The following OR56A3 variants were observed in gnomAD, a reference collection of about 807,000 sequenced individuals.
OR56A3 encodes the protein olfactory receptor family 56 subfamily A member 3.
OR56A3 carries 23 observed loss-of-function variants against 17.5 expected under a neutral mutation model. The ratio of observed to expected loss-of-function variants is 1.32; its 90% CI spans 0.95 to 1.87. The LOEUF (loss-of-function observed/expected upper bound fraction) is 1.87, where lower values mean the gene tolerates loss of function less well. OR56A3 is among the 40% of genes most tolerant of loss of function. OR56A3 has a pLI of 0.00. For missense variants in OR56A3, 366 were observed against 380.1 expected (o/e 0.96, Z 0.31); for synonymous variants, 175 against 150.6 (o/e 1.16, Z -1.19).
chr11:5,972,458 C>A, the OR56A3 span, among the ~76,000 whole-genome samples: 1 of 152,166 alleles, frequency 6.6e-6, no homozygotes, highest in African/African-American at 2.4e-5. Context: ...TCCCTTACCC[C>A]TGAAACTCAC....
the OR56A3 span, among the ~76,000 whole-genome samples, chr11:5,966,615 C>T: frequency 6.6e-6 from 1 of 152,000 alleles, no homozygotes; most frequent in African/African-American, 2.4e-5. Flanking sequence ...ATAAAAATTG[C>T]AAAGTGTAAA....
At chr11:5,971,954 A>G in the OR56A3 span, among the ~76,000 whole-genome samples, 1 of 152,184 alleles carries the variant, frequency 6.6e-6, no homozygotes, top group East Asian at 1.9e-4. Flanking sequence ...GGGAAGAAGA[A>G]AAAACTAGGG....
the OR56A3 span, among the ~76,000 whole-genome samples, chr11:5,977,465 G>A: frequency 6.6e-6 from 1 of 152,162 alleles, no homozygotes; most frequent in African/African-American, 2.4e-5. Flanking sequence ...AATGGTTAGT[G>A]ATGTTGAGTA....
At chr11:6,020,861 G>C in the OR56A3 span, 13 of 152,194 alleles carry the variant, frequency 8.5e-5, no homozygotes, top group Admixed American at 7.2e-4. Context: ...GAAGTGGTGA[G>C]AGAAGGCATC....
At chr11:5,994,878 G>T in the OR56A3 span, 9 of 759,150 alleles carry the variant, frequency 1.2e-5, no homozygotes, top group African/African-American at 1.5e-4. Context: ...ACTCTGTCCG[G>T]GTAGGAGGCC....
downstream of OR56A3, among the ~76,000 whole-genome samples, chr11:5,953,162 A>C (rs531527983): frequency 6.6e-6 from 1 of 152,344 alleles, no homozygotes; most frequent in South Asian, 2.1e-4. Context: ...TTTGGGATAA[A>C]TACCCAGTAA....
At chr11:6,009,019 T>C in the OR56A3 span, among the ~76,000 whole-genome samples, 70 of 152,316 alleles carry the variant, frequency 4.6e-4, no homozygotes, top group African/African-American at 1.6e-3. Flanking sequence ...TAATGCATGT[T>C]GTGAGTTGAA....
At chr11:6,002,905 A>G in the OR56A3 span, 8 of 1,614,058 alleles carry the variant, frequency 5.0e-6, no homozygotes, top group South Asian at 1.1e-5. Context: ...GGCAGAGACA[A>G]CCAGTGCTGC....
chr11:5,968,221 G>T, the OR56A3 span: 1 of 1,614,174 alleles, frequency 6.2e-7, no homozygotes, highest in Non-Finnish European at 8.5e-7. Flanking sequence ...ATTGATCTGA[G>T]GTCAAACCAG....
chr11:6,002,141 G>A, the OR56A3 span: 2 of 1,614,172 alleles, frequency 1.2e-6, no homozygotes, highest in Middle Eastern at 1.6e-4. Flanking sequence ...GGGGAATGAG[G>A]TGGTGCAGGA....
At chr11:5,991,468 T>G in the OR56A3 span, among the ~76,000 whole-genome samples, 1 of 152,206 alleles carries the variant, frequency 6.6e-6, no homozygotes, top group Non-Finnish European at 1.5e-5. Context: ...AGCCTCCATG[T>G]CCACTAGCAT....
chr11:6,008,498 T>C, the OR56A3 span, among the ~76,000 whole-genome samples: 1 of 152,084 alleles, frequency 6.6e-6, no homozygotes, highest in African/African-American at 2.4e-5. Flanking sequence ...ATAATTCCTC[T>C]CCACTCTCAG....
Position 5,949,348 on chromosome 11 carries a change from A to C in OR56A3, c.*1054A>C, listed in dbSNP as rs1847894863. 6.6e-6 allele frequency: 1 copy of C among 152,216 alleles called. No individual in the cohort carries two copies. The highest frequency in any genetic ancestry group is 2.4e-5 in the African/African-American group (1 of 41,452). The allele number at this position is 152,216 out of a possible 1,614,324, so 9.4% of individuals were successfully genotyped here. A position where few individuals can be genotyped will look rare whatever the true frequency, so the allele number is the denominator to read the frequency against. On this transcript the variant is annotated 3_prime_UTR_variant, in exon 3 of 3. Coordinates refer to ENST00000641160, the MANE Select transcript of OR56A3 (RefSeq NM_001003443.3). ...GGATAAAAGATATGTATGGGCAGTA[A>C]GATACTTGGTCCTGTAAGGAAACAT... is the stretch of plus-strand genomic sequence containing the variant.
At chr11:5,975,825 C>G in the OR56A3 span, among the ~76,000 whole-genome samples, 3 of 152,160 alleles carry the variant, frequency 2.0e-5, no homozygotes, top group Non-Finnish European at 2.9e-5. Context: ...GTCTCACCAA[C>G]AGTGTAAAAG....
Position 5,948,308 on chromosome 11 carries a change from A to C in OR56A3, c.*14A>C, listed in dbSNP as rs1847887408. The C allele has an allele frequency of 1.3e-6, 2 of 1,508,920 alleles. No individual in the cohort carries two copies. Among genetic ancestry groups the C allele is most frequent in the Non-Finnish European group, 1.8e-6 (2 of 1,090,824 alleles). 93.5% of individuals were successfully genotyped at this position (1,508,920 alleles called of 1,614,324 possible). A position where few individuals can be genotyped will look rare whatever the true frequency, so the allele number is the denominator to read the frequency against. On this transcript the variant is annotated 3_prime_UTR_variant, in exon 3 of 3. Coordinates refer to ENST00000641160, the MANE Select transcript of OR56A3 (RefSeq NM_001003443.3). Reference sequence around the variant, plus strand: ...AAAGGGTGCTAACAAGGACCACTGGATCTCTGAATATCTAAAATAAGATAA... The same window carrying C: ...AAAGGGTGCTAACAAGGACCACTGGCTCTCTGAATATCTAAAATAAGATAA...
chr11:5,986,270 C>A, the OR56A3 span: 1 of 1,613,782 alleles, frequency 6.2e-7, no homozygotes, highest in Admixed American at 1.7e-5. Flanking sequence ...ACAAGCAAGG[C>A]CATAGTCAGC....
At chr11:6,010,238 G>A in the OR56A3 span, among the ~76,000 whole-genome samples, 102 of 152,156 alleles carry the variant, frequency 6.7e-4, no homozygotes, top group Admixed American at 4.2e-3. Context: ...TCTTGCTCAT[G>A]CCGACTTTGT....
At chr11:6,002,642 C>G in the OR56A3 span, 17 of 1,614,106 alleles carry the variant, frequency 1.1e-5, no homozygotes, top group Non-Finnish European at 1.3e-5. Flanking sequence ...TGACCATGAA[C>G]GTGCAGGACT....
At chr11:5,998,241 G>T in the OR56A3 span, among the ~76,000 whole-genome samples, 3 of 152,128 alleles carry the variant, frequency 2.0e-5, no homozygotes, top group Non-Finnish European at 4.4e-5. Context: ...CTCTGGCCAA[G>T]CTATGACTGA....
Sources: gnomAD v4.1 joint callset for allele counts (sites outside exome capture counted in the v4.1 genomes callset) on GRCh38, gnomAD v4.1.1 for gene constraint, MANE v1.5 for transcripts, NCBI Gene and HGNC (gene_info 2026-07-23, HGNC 2026-07-21) for gene names.